CCSER1: variants seen among roughly 807,000 people sequenced by gnomAD.
CCSER1 encodes serine-rich coiled-coil domain-containing protein 1.
In CCSER1, 41 loss-of-function variants were observed where a neutral mutation model predicts 82.0. The observed-to-expected ratio is 0.50, with a 90% confidence interval of 0.39 to 0.65. CCSER1 has a LOEUF of 0.65. CCSER1 is among the 30% of genes least tolerant of loss of function. CCSER1 has a pLI of 0.00. For missense variants in CCSER1, 1,119 were observed against 1,064.2 expected, an observed-to-expected ratio of 1.05 and a Z score of -0.72; for synonymous variants, 414 against 383.9, an observed-to-expected ratio of 1.08 and a Z score of -0.92.
intron 7 of CCSER1, among the ~76,000 whole-genome samples, chr4:90,748,626 T>C (rs1384615202): frequency 6.8e-6 from 1 of 146,676 alleles, no homozygotes; most frequent in Non-Finnish European, 1.5e-5. Context: ...ACTTCCACAA[T>C]GGTTGAACTA....
At position 90,745,048 on chromosome 4, in the gene CCSER1, G is replaced by T. The variant is rs542935469; in HGVS notation, c.2010+21057G>T. Among the ~76,000 whole-genome samples the T allele has an allele frequency of 5.9e-5, 9 of 151,974 alleles. No individual in the cohort carries two copies. The South Asian group carries it at 1.5e-3, about 25-fold the overall frequency. ...GTAACAAATGACCACAAACTCGGTG[G>T]CTTAAAACAGCACACATTTAGTATC... On this transcript the variant is annotated intron_variant, in intron 7 of 10. Coordinates refer to ENST00000509176, the MANE Select transcript of CCSER1 (RefSeq NM_001145065.2).
rs112210089 is a variant in CCSER1, at chr4:90,401,132, C to G, written c.1603+1003C>G. 5.3e-3 allele frequency among the ~76,000 whole-genome samples: 806 copies of G among 152,252 alleles called. 4 individuals are homozygous for G. Among genetic ancestry groups the G allele is most frequent in the Non-Finnish European group, 9.1e-3 (616 of 68,006 alleles). On this transcript the variant is annotated intron_variant, in intron 4 of 10. Transcript: ENST00000509176. ...AACAATGTTGATATTTTCTTACACT[C>G]TATTTTAGGCTAATACCAAACAAGA...
At chr4:90,318,394 A>T (rs1005838700) in intron 3 of CCSER1, among the ~76,000 whole-genome samples, 2 of 152,120 alleles carry the variant, frequency 1.3e-5, no homozygotes, top group Admixed American at 1.3e-4. Context: ...GCCCTGTACT[A>T]TTTGTGCTAA....
At chr4:90,447,678 A>G (rs1760844233) in intron 4 of CCSER1, among the ~76,000 whole-genome samples, 1 of 152,214 alleles carries the variant, frequency 6.6e-6, no homozygotes, top group South Asian at 2.1e-4. Context: ...TGTGTGTAAT[A>G]AGCATCAGTA....
chr4:90,842,179 C>A (rs59275904), intron 8 of CCSER1, among the ~76,000 whole-genome samples: 1 of 152,232 alleles, frequency 6.6e-6, no homozygotes, highest in Non-Finnish European at 1.5e-5. Flanking sequence ...TTAAACAAAG[C>A]AAAATTATTT....
At chr4:90,781,844 GT>G (rs1753820993) in intron 7 of CCSER1, 1 of 944,494 alleles carries the variant, frequency 1.1e-6, no homozygotes. Flanking sequence ...TTCTATTTGT[GT>G]TTTCTATTTC....
intron 10 of CCSER1, among the ~76,000 whole-genome samples, chr4:91,163,832 A>T (rs1009322217): frequency 6.6e-6 from 1 of 151,964 alleles, no homozygotes; most frequent in Non-Finnish European, 1.5e-5. Context: ...TGTCTCTGCA[A>T]GTGAGATGGG....
At chr4:91,008,977 C>T (rs879718459) in intron 9 of CCSER1, among the ~76,000 whole-genome samples, 57 of 152,306 alleles carry the variant, frequency 3.7e-4, no homozygotes, top group Non-Finnish European at 3.4e-4. Context: ...TCGATTAGGA[C>T]GAACCCGGGC....
chr4:90,924,217 T>C (rs749144603), intron 9 of CCSER1, among the ~76,000 whole-genome samples: 4 of 152,150 alleles, frequency 2.6e-5, no homozygotes, highest in Non-Finnish European at 4.4e-5. Flanking sequence ...TTTTAGCACT[T>C]TGCTGATAAG....
intron 8 of CCSER1, among the ~76,000 whole-genome samples, chr4:90,839,663 TTGGAA>T (rs1762312616): frequency 6.6e-6 from 1 of 152,180 alleles, no homozygotes; most frequent in African/African-American, 2.4e-5. Flanking sequence ...AGAGAGACTA[TTGGAA>T]AGGCTGAGCT....
intron 10 of CCSER1, among the ~76,000 whole-genome samples, chr4:91,474,800 TATATATATATATACACACACACAC>T (rs1560700651): frequency 1.1e-5 from 1 of 89,076 alleles, no homozygotes; most frequent in Non-Finnish European, 2.2e-5. Flanking sequence ...TATATATATA[TATATATATATATACACACACACAC>T]ACACACACAC....
intron 10 of CCSER1, among the ~76,000 whole-genome samples, chr4:91,093,322 C>G (rs1203923760): frequency 6.6e-6 from 1 of 152,206 alleles, no homozygotes; most frequent in Non-Finnish European, 1.5e-5. Context: ...ACACTGAGTC[C>G]AACACTTCCA....
rs1723687988 is a variant in CCSER1, at chr4:90,628,227, C to G, written c.1927C>G (p.Gln643Glu). 6.2e-7 allele frequency: 1 copy of G among 1,611,800 alleles called. No individual in the cohort carries two copies. The highest frequency in any genetic ancestry group is 1.3e-5 in the African/African-American group (1 of 74,888). ...TLLLKMKRVL[Q>E]ESADMSPASS... ...ATTATTAAAGATGAAGAGAGTTCTT[C>G]AAGAGGTAATGGTTTCCTCTAAGAT... The change falls in exon 6 of 11, where the codon CAA becomes GAA. Residue 643 changes from glutamine (Q) to glutamate (E), a missense_variant. Gln to Glu is a conservative substitution (Grantham distance 29). Transcript: ENST00000509176.
intron 10 of CCSER1, among the ~76,000 whole-genome samples, chr4:91,117,178 T>A (rs1726690204): frequency 6.6e-6 from 1 of 152,208 alleles, no homozygotes; most frequent in Non-Finnish European, 1.5e-5. Flanking sequence ...TACAGCAACA[T>A]CCATTTATAT....
chr4:91,305,708 TAATA>T (rs1433118254), intron 10 of CCSER1, among the ~76,000 whole-genome samples: 1 of 151,000 alleles, frequency 6.6e-6, no homozygotes, highest in East Asian at 2.0e-4. Context: ...CTCATGCTGC[TAATA>T]AATACCTACC....
intron 9 of CCSER1, among the ~76,000 whole-genome samples, chr4:91,048,442 A>T (rs1742707571): frequency 6.6e-6 from 1 of 151,986 alleles, no homozygotes; most frequent in Non-Finnish European, 1.5e-5. Context: ...ACAGTATTCA[A>T]TTTTTAAATA....
chr4:90,617,897 T>G (rs1721592855), intron 5 of CCSER1, among the ~76,000 whole-genome samples: 1 of 152,146 alleles, frequency 6.6e-6, no homozygotes, highest in South Asian at 2.1e-4. Context: ...TTGTATATAA[T>G]TATGTATAAA....
intron 8 of CCSER1, among the ~76,000 whole-genome samples, chr4:90,833,865 G>A (rs569944988): frequency 6.6e-6 from 1 of 152,164 alleles, no homozygotes; most frequent in African/African-American, 2.4e-5. Flanking sequence ...TCATTACTGG[G>A]AATGGGTTAT....
At chr4:90,548,977 C>G (rs76025742) in intron 5 of CCSER1, among the ~76,000 whole-genome samples, 4,979 of 152,056 alleles carry the variant, frequency 0.033, 272 homozygotes, top group African/African-American at 0.11. Context: ...AATTTGCTAG[C>G]CAAACAAACA....
Sources: allele counts gnomAD v4.1 joint callset (sites outside exome capture counted in the v4.1 genomes callset), GRCh38; gene constraint gnomAD v4.1.1; transcripts MANE v1.5; gene names NCBI Gene and HGNC (gene_info 2026-07-23, HGNC 2026-07-21).